Variants in PKHD1 observed in about 807,000 individuals in gnomAD.
PKHD1 encodes the protein fibrocystin.
Under a neutral mutation model 412.0 loss-of-function variants are expected in PKHD1, and 291 were observed. That is an observed-to-expected ratio of 0.71 (90% CI 0.64 to 0.78). The LOEUF is 0.78. Among genes scored for constraint, PKHD1 ranks in the 30% least tolerant of loss-of-function variants. The probability of loss-of-function intolerance (pLI) is 0.00; values close to 1 mark genes in which losing one functional copy is unlikely to be tolerated. For missense variants in PKHD1, 4,825 were observed against 4,950.7 expected (o/e 0.97, Z 0.76); for synonymous variants, 1,777 against 1,821.5 (o/e 0.98, Z 0.62).
chr6:51,904,644 C>G (rs1290862888), intron 41 of PKHD1, among the ~76,000 whole-genome samples: 1 of 152,130 alleles, frequency 6.6e-6, no homozygotes, highest in Non-Finnish European at 1.5e-5. Context: ...GCTTTACCCA[C>G]CACACATCAA....
chr6:51,983,921 T>C (rs984352353), intron 35 of PKHD1, among the ~76,000 whole-genome samples: 1 of 152,226 alleles, frequency 6.6e-6, no homozygotes, highest in African/African-American at 2.4e-5. Flanking sequence ...CCCTGCTCTG[T>C]GATGTCTGTT....
intron 50 of PKHD1, among the ~76,000 whole-genome samples, chr6:51,846,175 T>C (rs1316797523): frequency 6.6e-6 from 1 of 152,194 alleles, no homozygotes; most frequent in Non-Finnish European, 1.5e-5. Context: ...AAATAAAATA[T>C]ACGACAATCC....
At chr6:51,767,037 T>G (rs1296785049) in intron 55 of PKHD1, among the ~76,000 whole-genome samples, 1 of 152,068 alleles carries the variant, frequency 6.6e-6, no homozygotes, top group Non-Finnish European at 1.5e-5. Context: ...GAGTAAAACA[T>G]AAAGTGGGAA....
Position 51,915,936 on chromosome 6 carries a change from A to G in PKHD1, c.6122-3360T>C, listed in dbSNP as rs180737556. On this transcript the variant is annotated intron_variant, in intron 37 of 66. Coordinates refer to ENST00000371117, the MANE Select transcript of PKHD1 (RefSeq NM_138694.4). The stretch of plus-strand genomic sequence containing the variant: ...GTTTTGTGAGAGTTGGGGGCCTCAG[A>G]CAGTAAAATTTTTATCACTATTGAA... Among the ~76,000 whole-genome samples the G allele has an allele frequency of 1.2e-4, 18 of 152,206 alleles. No homozygotes were observed. The East Asian group carries it at 3.5e-3, about 29-fold the overall frequency.
rs966640646 is a variant in PKHD1 at position 51,837,397 on chromosome 6, T to A, written c.8108-928A>T. On this transcript the variant is annotated intron_variant, in intron 50 of 66. Transcript: ENST00000371117. The stretch of plus-strand genomic sequence containing the variant: ...TCCATCAGATGAAATAAACACAGGA[T>A]CATTCTTTCTAAATATAAAACATAA... 9.9e-5 allele frequency among the ~76,000 whole-genome samples: 15 copies of A among 152,230 alleles called. No homozygotes were observed. The South Asian group carries it at 1.2e-3, about 13-fold the overall frequency.
intron 34 of PKHD1, among the ~76,000 whole-genome samples, chr6:52,011,225 G>A (rs1367490286): frequency 6.6e-6 from 1 of 152,154 alleles, no homozygotes; most frequent in Non-Finnish European, 1.5e-5. Flanking sequence ...GCCATCTAGA[G>A]GTGAGGACAT....
At chr6:51,665,591 G>C (rs79320311) in intron 60 of PKHD1, among the ~76,000 whole-genome samples, 2 of 152,026 alleles carry the variant, frequency 1.3e-5, no homozygotes, top group African/African-American at 4.8e-5. Context: ...CTGAAAAGTA[G>C]GTTCTTTTAT....
Position 52,028,141 on chromosome 6 carries a change from A to C in PKHD1, c.3560+15T>G. 6.2e-7 allele frequency: 1 copy of C among 1,610,994 alleles called. No homozygotes were observed. The highest frequency in any genetic ancestry group is 8.5e-7 in the Non-Finnish European group (1 of 1,177,060). Reference sequence around the variant, plus strand: ...CATCAAACAAATCCAAAATTAATGCAAGTGGTCACCTCACCCTTGTGAGTG... The same window carrying C: ...CATCAAACAAATCCAAAATTAATGCCAGTGGTCACCTCACCCTTGTGAGTG... On this transcript the variant is annotated intron_variant, in intron 30 of 66. Transcript: ENST00000371117.
chr6:51,701,831 A>G (rs1287061049), intron 60 of PKHD1, among the ~76,000 whole-genome samples: 1 of 151,840 alleles, frequency 6.6e-6, no homozygotes, highest in Non-Finnish European at 1.5e-5. Flanking sequence ...TAAGAGACCA[A>G]AGAGTAAGAA....
At chr6:51,793,982 T>C (rs9474074) in intron 52 of PKHD1, among the ~76,000 whole-genome samples, 1 of 151,416 alleles carries the variant, frequency 6.6e-6, no homozygotes, top group Non-Finnish European at 1.5e-5. Flanking sequence ...TAATTTACAC[T>C]CCTACCAATA....
At chr6:51,638,736 TATG>T (rs1768917206) in intron 64 of PKHD1, 110 bp downstream of exon 64, 1 of 741,582 alleles carries the variant, frequency 1.3e-6, no homozygotes, top group Middle Eastern at 3.8e-4. Context: ...TTTTCTAAAC[TATG>T]ATGACCTCTT....
At chr6:51,994,455 T>G (rs757111730) in intron 35 of PKHD1, among the ~76,000 whole-genome samples, 12 of 152,188 alleles carry the variant, frequency 7.9e-5, no homozygotes, top group Non-Finnish European at 1.5e-4. Flanking sequence ...TTTTTTCTAA[T>G]GAGACATGTT....
intron 21 of PKHD1, among the ~76,000 whole-genome samples, chr6:52,051,164 T>C (rs778148865): frequency 7.2e-5 from 11 of 152,256 alleles, no homozygotes; most frequent in Admixed American, 5.2e-4. Flanking sequence ...TAGATTCCGA[T>C]CTCCTCCACA....
At chr6:51,983,054 G>C (rs187813862) in intron 35 of PKHD1, among the ~76,000 whole-genome samples, 2 of 151,926 alleles carry the variant, frequency 1.3e-5, no homozygotes, top group Non-Finnish European at 2.9e-5. Flanking sequence ...GAAGTGTACC[G>C]TTAACAAAAC....
At chr6:51,972,117 T>G (rs1276682987) in intron 35 of PKHD1, among the ~76,000 whole-genome samples, 1 of 152,168 alleles carries the variant, frequency 6.6e-6, no homozygotes, top group Non-Finnish European at 1.5e-5. Context: ...AAAATTCTAC[T>G]CTTCCACTAG....
chr6:51,987,280 C>T (rs1217903057), intron 35 of PKHD1, among the ~76,000 whole-genome samples: 1 of 152,122 alleles, frequency 6.6e-6, no homozygotes, highest in Admixed American at 6.5e-5. Context: ...ATATTCAAAG[C>T]TGAAGGTATG....
At chr6:51,665,139 T>C (rs1360471632) in intron 60 of PKHD1, among the ~76,000 whole-genome samples, 1 of 152,100 alleles carries the variant, frequency 6.6e-6, no homozygotes, top group Non-Finnish European at 1.5e-5. Flanking sequence ...TACAATTTTT[T>C]CTACCCTAGG....
intron 15 of PKHD1, among the ~76,000 whole-genome samples, chr6:52,059,574 T>A (rs894225168): frequency 3.3e-5 from 5 of 152,120 alleles, no homozygotes. Flanking sequence ...AGCCTCAATT[T>A]CTTCATGTGG....
At chr6:51,934,357 A>G in intron 36 of PKHD1, 35 bp from the exon 37 acceptor site, 1 of 1,385,398 alleles carries the variant, frequency 7.2e-7, no homozygotes, top group Non-Finnish European at 1.0e-6. Context: ...AGTCCCTGGG[A>G]GGATAAGGCT....
Sources: allele counts gnomAD v4.1 joint callset (sites outside exome capture counted in the v4.1 genomes callset), GRCh38; gene constraint gnomAD v4.1.1; transcripts MANE v1.5; gene names NCBI Gene and HGNC (gene_info 2026-07-23, HGNC 2026-07-21).